Variants in RHOXF1 observed in about 807,000 individuals in gnomAD.
RHOXF1 encodes the protein Rhox homeobox family member 1, also known as PEPP subfamily gene 1.
RHOXF1 carries 1 observed loss-of-function variant against 9.7 expected under a neutral mutation model. That is an observed-to-expected ratio of 0.10 (90% CI 0.04 to 0.49). The LOEUF is 0.49. Ranked by LOEUF, RHOXF1 falls within the 20% of genes least tolerant of loss-of-function variation. RHOXF1 has a pLI of 0.95. For synonymous variants in RHOXF1, 72 were observed against 70.2 expected (o/e 1.03, Z -0.13); for missense variants, 179 against 168.0 (o/e 1.07, Z -0.36).
At chrX:120,113,264 C>T (rs782462963) in intron 1 of RHOXF1, among the ~76,000 whole-genome samples, 5 of 109,842 alleles carry the variant, frequency 4.6e-5, no homozygotes, top group Non-Finnish European at 9.5e-5. Flanking sequence ...GCCTCAGCCT[C>T]CCGAGTAGCT....
upstream of RHOXF1, among the ~76,000 whole-genome samples, chrX:120,116,229 G>A (rs1343561356): frequency 3.5e-5 from 2 of 56,782 alleles, no homozygotes; most frequent in Non-Finnish European, 6.5e-5. Flanking sequence ...GTGGGGGTGG[G>A]GGTAGCGGGT....
intron 2 of RHOXF1, among the ~76,000 whole-genome samples, chrX:120,112,413 A>G (rs1158310938): frequency 5.0e-5 from 2 of 39,819 alleles, no homozygotes; most frequent in Non-Finnish European, 1.6e-4. Context: ...ATATACATAT[A>G]TGTATTATAT....
chrX:120,109,340 T>C (rs1555999456), intron 2 of RHOXF1, 38 bp from the exon 3 acceptor site: 1 of 845,005 alleles, frequency 1.2e-6, no homozygotes, highest in Admixed American at 2.3e-5. Flanking sequence ...TTTAGTATAT[T>C]GAACAGTTAA....
At chrX:120,118,769 A>G (rs2057306323), upstream of RHOXF1, among the ~76,000 whole-genome samples, 1 of 111,948 alleles carries the variant, frequency 8.9e-6, no homozygotes, top group African/African-American at 3.2e-5. Context: ...GAAAATGTGA[A>G]TTACACCATG....
chrX:120,116,268 G>T (rs1410162366), upstream of RHOXF1: 1 of 74,438 alleles, frequency 1.3e-5, no homozygotes, highest in African/African-American at 5.2e-5. Flanking sequence ...TGGAGGGTGC[G>T]TGGTGGGGGT....
At chrX:120,114,537 G>C (rs1556000273) in intron 1 of RHOXF1, among the ~76,000 whole-genome samples, 1 of 110,515 alleles carries the variant, frequency 9.0e-6, no homozygotes, top group Non-Finnish European at 1.9e-5. Context: ...TCTGATAAGG[G>C]GTTAATATCC....
At chrX:120,110,183 C>T (rs181659988) in intron 2 of RHOXF1, among the ~76,000 whole-genome samples, 2 of 111,596 alleles carry the variant, frequency 1.8e-5, no homozygotes, top group East Asian at 2.8e-4. Flanking sequence ...TAGGAAAGAG[C>T]GCACTGGAAT....
At chrX:120,118,102 G>T (rs782028806), upstream of RHOXF1, among the ~76,000 whole-genome samples, 1 of 112,368 alleles carries the variant, frequency 8.9e-6, no homozygotes, top group Non-Finnish European at 1.9e-5. Context: ...AGTACAGGCT[G>T]CCTTGAGGAA....
At chrX:120,116,875 G>A (rs1036203783), upstream of RHOXF1, among the ~76,000 whole-genome samples, 2 of 111,754 alleles carry the variant, frequency 1.8e-5, no homozygotes, top group Non-Finnish European at 3.8e-5. Context: ...TGGCAAAATG[G>A]AGTGCTATAA....
At position 120,109,308 on chromosome X, in the gene RHOXF1, A is replaced by G. The variant is rs377056890; in HGVS notation, c.445-6T>C. The G allele has an allele frequency of 3.3e-5, 36 of 1,076,754 alleles. No homozygotes were observed. In the African/African-American group the frequency reaches 6.2e-4, roughly 19 times the overall value. 88.7% of individuals were successfully genotyped at this position (1,076,754 alleles called of 1,213,427 possible). A position where few individuals can be genotyped will look rare whatever the true frequency, so the allele number is the denominator to read the frequency against. On this transcript the variant is annotated splice_polypyrimidine_tract_variant and splice_region_variant and intron_variant, in intron 2 of 2. Transcript: ENST00000217999. ...CTTTTATTCTTAAACCAAACCTACA[A>G]TCAGAGGGAAAAGGGGATTGGTTTA...
chrX:120,115,639 T>C lies in RHOXF1; in HGVS notation c.224A>G (p.Gln75Arg), dbSNP rs2057290711. ...GGGCTGCGGCTGCTGCCGAGGCTCC[T>C]GGTTTCCACCGCCGCCCTCGGGGAT... is the stretch of plus-strand genomic sequence containing the variant. ...GMIPEGGGGN[Q>R]EPRQQPQPPP... The change falls in exon 1 of 3, where the codon CAG becomes CGG. Residue 75 changes from glutamine to arginine, a missense_variant. By Grantham distance (43) the Gln-to-Arg change is conservative (BLOSUM62 1). Coordinates refer to ENST00000217999, the MANE Select transcript of RHOXF1 (RefSeq NM_139282.3). 3.4e-6 allele frequency: 4 copies of C among 1,182,904 alleles called. No homozygotes were observed. Among genetic ancestry groups the C allele is most frequent in the East Asian group, 3.0e-5 (1 of 33,060 alleles).
At position 120,109,269 on chromosome X, in the gene RHOXF1, G is replaced by T; in HGVS notation, c.478C>A (p.Arg160=). ...GCGAGCATTAATTCTCTCTGATGTC[G>T]CCTACATCTGGCCCTTTTATTCTTA... is the stretch of plus-strand genomic sequence containing the variant. ...WFKNKRARCR[R]HQRELMLANE... is the part of the protein sequence containing the mutation. The change falls in exon 3 of 3, where the codon CGA becomes AGA. Residue 160 remains arginine (R), a synonymous_variant. Coordinates refer to ENST00000217999, the MANE Select transcript of RHOXF1 (RefSeq NM_139282.3). 1 of 1,192,420 alleles carries T rather than the reference G, an allele frequency of 8.4e-7. No homozygotes were observed. Among genetic ancestry groups the T allele is most frequent in the Non-Finnish European group, 1.1e-6 (1 of 880,914 alleles).
intron 2 of RHOXF1, among the ~76,000 whole-genome samples, chrX:120,112,379 CATATATGT>C (rs2057268471): frequency 0.012 from 1,076 of 87,463 alleles, 25 homozygotes; most frequent in African/African-American, 0.037. Context: ...TGGATACATA[CATATATGT>C]ATATATGTAT....
chrX:120,111,507 T>C lies in RHOXF1; in HGVS notation c.444+1362A>G, dbSNP rs138763905. Among the ~76,000 whole-genome samples the C allele has an allele frequency of 4.7e-3, 531 of 112,222 alleles. 6 individuals are homozygous for C. The highest frequency in any genetic ancestry group is 0.016 in the African/African-American group (495 of 30,922). ...TTGGGAAAACATCACTTTGATACTA[T>C]GTATGGTTTTCTTTGGTCTTAAGTG... is the stretch of plus-strand genomic sequence containing the variant. On this transcript the variant is annotated intron_variant, in intron 2 of 2. Transcript: ENST00000217999.
chrX:120,120,034 TA>T (rs782144977), upstream of RHOXF1, among the ~76,000 whole-genome samples: 9 of 111,315 alleles, frequency 8.1e-5, no homozygotes, highest in South Asian at 3.1e-3. Context: ...ACCAATATCA[TA>T]GTATGTTACC....
upstream of RHOXF1, chrX:120,120,290 G>A (rs1556001121): frequency 1.8e-5 from 2 of 112,228 alleles, no homozygotes; most frequent in African/African-American, 6.5e-5. Context: ...GCCCATAGCA[G>A]GAGCCCAACA....
At chrX:120,117,465 A>G (rs1556000838), upstream of RHOXF1, among the ~76,000 whole-genome samples, 1 of 111,327 alleles carries the variant, frequency 9.0e-6, no homozygotes, top group African/African-American at 3.3e-5. Flanking sequence ...TTTTATTTTT[A>G]AATGTTCTTT....
At chrX:120,118,777 A>G (rs1480260503), upstream of RHOXF1, among the ~76,000 whole-genome samples, 1 of 111,832 alleles carries the variant, frequency 8.9e-6, no homozygotes, top group Non-Finnish European at 1.9e-5. Context: ...GAATTACACC[A>G]TGGTGCCCCT....
intron 2 of RHOXF1, among the ~76,000 whole-genome samples, chrX:120,111,494 C>T (rs1555999767): frequency 8.9e-6 from 1 of 111,935 alleles, no homozygotes. Context: ...GGGAAAACAT[C>T]ACTTTGATAC....
Sources: gnomAD v4.1 joint callset for allele counts (sites outside exome capture counted in the v4.1 genomes callset) on GRCh38, gnomAD v4.1.1 for gene constraint, MANE v1.5 for transcripts, NCBI Gene and HGNC (gene_info 2026-07-23, HGNC 2026-07-21) for gene names.